USH2A: variants seen among roughly 807,000 people sequenced by gnomAD.
The protein encoded by USH2A is usherin.
In USH2A, 443 loss-of-function variants were observed where a neutral mutation model predicts 538.9. The ratio of observed to expected loss-of-function variants is 0.82; its 90% confidence interval spans 0.76 to 0.89. The LOEUF (loss-of-function observed/expected upper bound fraction) is 0.89. Among genes scored for constraint, USH2A ranks in the 40% least tolerant of loss-of-function variants. The pLI, the probability that USH2A is intolerant of heterozygous loss-of-function variation, is 0.00. For missense variants in USH2A, 6,633 were observed against 6,324.8 expected (o/e 1.05, Z -1.65); for synonymous variants, 2,413 against 2,273.5 (o/e 1.06, Z -1.75).
In USH2A at chr1:216,370,556, T is replaced by A. The variant is rs1206531764; in HGVS notation, c.652-5471A>T. 3.1e-4 allele frequency among the ~76,000 whole-genome samples: 46 copies of A among 149,832 alleles called. 1 individual carries two copies. The highest frequency in any genetic ancestry group is 2.8e-3 in the Admixed American group (42 of 14,990). ...TTAGCTGGGTATGGTGGCACGAGCC[T>A]GTAATCCGGGCTACTCGGGAGGCTG... On this transcript the variant is annotated intron_variant, in intron 3 of 71. Coordinates refer to ENST00000307340, the MANE Select transcript of USH2A (RefSeq NM_206933.4).
At chr1:215,671,951 A>T (rs17025035) in intron 63 of USH2A, among the ~76,000 whole-genome samples, 1 of 152,140 alleles carries the variant, frequency 6.6e-6, no homozygotes, top group South Asian at 2.1e-4. Context: ...AGCCTCCCTT[A>T]CATGATACAA....
chr1:216,400,430 C>T (rs990369999), intron 3 of USH2A, among the ~76,000 whole-genome samples: 3 of 150,886 alleles, frequency 2.0e-5, no homozygotes, highest in African/African-American at 7.3e-5. Flanking sequence ...AAGAGAGCTT[C>T]AAGAACCAGT....
At chr1:215,739,778 C>A (rs1206933125) in intron 60 of USH2A, among the ~76,000 whole-genome samples, 1 of 152,086 alleles carries the variant, frequency 6.6e-6, no homozygotes, top group Non-Finnish European at 1.5e-5. Context: ...TAATTTTTTT[C>A]TATAAGCCCT....
At chr1:215,953,266 T>G (rs1016287115) in intron 37 of USH2A, among the ~76,000 whole-genome samples, 9 of 152,188 alleles carry the variant, frequency 5.9e-5, no homozygotes, top group Non-Finnish European at 1.3e-4. Context: ...AAGTCAATCC[T>G]AAGCCAAAAG....
At chr1:215,818,360 T>A (rs1330923731) in intron 47 of USH2A, among the ~76,000 whole-genome samples, 1 of 151,908 alleles carries the variant, frequency 6.6e-6, no homozygotes, top group Non-Finnish European at 1.5e-5. Context: ...ACTAACTTAT[T>A]TAAAACATAC....
rs1571685922 is a variant in USH2A, at chr1:215,786,660, T to C, written c.10387+10A>G. ...ATTAAGCCATGGGCAGACAGCTTGC[T>C]TTCTGTTACCTGTGTAAGAGTACGT... On this transcript the variant is annotated intron_variant, in intron 52 of 71. Transcript: ENST00000307340. The C allele has an allele frequency of 1.2e-6, 2 of 1,613,910 alleles. No individual in the cohort carries two copies. The highest frequency in any genetic ancestry group is 1.7e-6 in the Non-Finnish European group (2 of 1,179,844).
chr1:215,839,692 C>T (rs1165147233), intron 46 of USH2A, among the ~76,000 whole-genome samples: 5 of 152,138 alleles, frequency 3.3e-5, no homozygotes, highest in Admixed American at 3.3e-4. Flanking sequence ...CTAATGTTAA[C>T]ATTCCCAGTC....
At chr1:215,996,580 T>G (rs1258019391) in intron 34 of USH2A, among the ~76,000 whole-genome samples, 1 of 139,222 alleles carries the variant, frequency 7.2e-6, no homozygotes, top group Non-Finnish European at 1.5e-5. Flanking sequence ...TTTTTTTTTT[T>G]TTTTTTTTTT....
chr1:216,360,242 C>A (rs1230199939), intron 4 of USH2A, among the ~76,000 whole-genome samples: 1 of 151,984 alleles, frequency 6.6e-6, no homozygotes, highest in Non-Finnish European at 1.5e-5. Context: ...AGATATGAAC[C>A]ACCAAGCCAT....
At chr1:215,726,865 C>T (rs562883801) in intron 61 of USH2A, among the ~76,000 whole-genome samples, 4 of 152,124 alleles carry the variant, frequency 2.6e-5, no homozygotes, top group South Asian at 2.1e-4. Context: ...TAGTGGAGTT[C>T]GGGATCTAAG....
At chr1:216,307,834 CACCTGTG>C (rs1268696255) in intron 9 of USH2A, among the ~76,000 whole-genome samples, 1 of 152,178 alleles carries the variant, frequency 6.6e-6, no homozygotes, top group Non-Finnish European at 1.5e-5. Context: ...CCAAATCCAT[CACCTGTG>C]ACCTGGACCT....
At chr1:216,308,927 T>C (rs371610442) in intron 9 of USH2A, among the ~76,000 whole-genome samples, 1 of 152,208 alleles carries the variant, frequency 6.6e-6, no homozygotes, top group South Asian at 2.1e-4. Flanking sequence ...ACAAGTACCA[T>C]GCTGAGCTGC....
At chr1:216,119,051 A>G (rs1020875172) in intron 21 of USH2A, among the ~76,000 whole-genome samples, 5 of 152,248 alleles carry the variant, frequency 3.3e-5, no homozygotes, top group African/African-American at 1.2e-4. Context: ...TTTCATCACA[A>G]TACAGAAATT....
intron 30 of USH2A, among the ~76,000 whole-genome samples, chr1:216,065,953 A>G (rs1270304709): frequency 2.6e-5 from 4 of 152,094 alleles, no homozygotes; most frequent in African/African-American, 9.7e-5. Flanking sequence ...CTACCTAGGC[A>G]CATCATAAAA....
chr1:216,268,990 C>G (rs956176205), intron 11 of USH2A, among the ~76,000 whole-genome samples: 1 of 152,136 alleles, frequency 6.6e-6, no homozygotes, highest in Non-Finnish European at 1.5e-5. Context: ...TCTCTTCCAA[C>G]TCCCCAAATC....
At chr1:215,835,164 C>CAAAAA (rs34758891) in intron 47 of USH2A, among the ~76,000 whole-genome samples, 48 of 56,104 alleles carry the variant, frequency 8.6e-4, no homozygotes, top group African/African-American at 2.9e-3. Context: ...AGTGATGCAC[C>CAAAAA]AAAAAAAAAA....
At chr1:216,338,092 C>A (rs2038008214) in intron 4 of USH2A, among the ~76,000 whole-genome samples, 1 of 151,160 alleles carries the variant, frequency 6.6e-6, no homozygotes, top group African/African-American at 2.4e-5. Flanking sequence ...TATCCCTAAG[C>A]TGTTGTATAA....
At chr1:215,787,864 C>T (rs983651147) in intron 51 of USH2A, among the ~76,000 whole-genome samples, 19 of 151,886 alleles carry the variant, frequency 1.3e-4, no homozygotes, top group South Asian at 4.2e-4. Context: ...ATCAACATGG[C>T]GAAACCCTGT....
At chr1:215,963,184 G>A (rs549041672) in intron 37 of USH2A, among the ~76,000 whole-genome samples, 2 of 152,226 alleles carry the variant, frequency 1.3e-5, no homozygotes, top group East Asian at 3.9e-4. Flanking sequence ...CTAGTGAACA[G>A]ATGATATCTT....
Sources: allele counts gnomAD v4.1 joint callset (sites outside exome capture counted in the v4.1 genomes callset), GRCh38; gene constraint gnomAD v4.1.1; transcripts MANE v1.5; gene names NCBI Gene and HGNC (gene_info 2026-07-23, HGNC 2026-07-21).